Variants in NBAS observed in about 807,000 individuals in gnomAD.
The protein encoded by NBAS is NBAS subunit of NRZ tethering complex.
A neutral mutation model predicts 302.5 loss-of-function variants in NBAS; 219 were observed. That is an observed-to-expected ratio of 0.72 (90% CI 0.65 to 0.81). The LOEUF (loss-of-function observed/expected upper bound fraction) is 0.81, where lower values mean the gene tolerates loss of function less well. Among genes scored for constraint, NBAS ranks in the 30% least tolerant of loss-of-function variants. NBAS has a pLI of 0.00. For missense variants in NBAS, 2,932 were observed against 2,841.6 expected (o/e 1.03, Z -0.72); for synonymous variants, 1,118 against 1,021.6 (o/e 1.09, Z -1.80).
At chr2:15,241,180 T>C (rs564740010) in intron 44 of NBAS, among the ~76,000 whole-genome samples, 3 of 152,216 alleles carry the variant, frequency 2.0e-5, no homozygotes, top group Non-Finnish European at 4.4e-5. Flanking sequence ...TAAGAGTTTA[T>C]AGCAGAGTGA....
intron 38 of NBAS, among the ~76,000 whole-genome samples, chr2:15,323,699 G>A (rs908893539): frequency 1.3e-5 from 2 of 151,940 alleles, no homozygotes; most frequent in African/African-American, 2.4e-5. Flanking sequence ...GCTGGGCATG[G>A]TGGTGCGCAC....
At chr2:14,817,773 C>G in the NBAS span, among the ~76,000 whole-genome samples, 1 of 152,184 alleles carries the variant, frequency 6.6e-6, no homozygotes, top group Non-Finnish European at 1.5e-5. Flanking sequence ...AATCTGGACC[C>G]ATTGCTTCCT....
chr2:15,468,647 C>T (rs930413444), intron 16 of NBAS, 114 bp from the exon 17 acceptor site: 2 of 1,268,878 alleles, frequency 1.6e-6, no homozygotes, highest in African/African-American at 3.0e-5. Context: ...TATTTAGGAC[C>T]TTGGCCATAG....
At chr2:14,924,110 A>C in the NBAS span, among the ~76,000 whole-genome samples, 5 of 152,226 alleles carry the variant, frequency 3.3e-5, no homozygotes, top group African/African-American at 1.2e-4. Flanking sequence ...GATTCTACAC[A>C]TAAACATGGA....
the NBAS span, among the ~76,000 whole-genome samples, chr2:15,150,029 A>G: frequency 6.9e-5 from 10 of 145,374 alleles, no homozygotes; most frequent in African/African-American, 2.5e-4. Flanking sequence ...GAGCCATGGT[A>G]GTGCCACTGT....
intron 11 of NBAS, among the ~76,000 whole-genome samples, chr2:15,492,222 G>A (rs915261964): frequency 3.3e-5 from 5 of 152,110 alleles, no homozygotes; most frequent in Non-Finnish European, 5.9e-5. Flanking sequence ...TCACCACCAT[G>A]CCAGAGGATT....
chr2:15,358,407 T>G (rs1187117350), intron 32 of NBAS, among the ~76,000 whole-genome samples: 1 of 152,060 alleles, frequency 6.6e-6, no homozygotes, highest in Non-Finnish European at 1.5e-5. Context: ...TGTGTGTGTG[T>G]GCGCACACAT....
the NBAS span, among the ~76,000 whole-genome samples, chr2:14,960,350 A>C: frequency 6.6e-6 from 1 of 152,208 alleles, no homozygotes; most frequent in Non-Finnish European, 1.5e-5. Context: ...ATTCCCTAGC[A>C]CACAGCCCAG....
chr2:14,796,922 A>G, the NBAS span, among the ~76,000 whole-genome samples: 92 of 135,120 alleles, frequency 6.8e-4, no homozygotes, highest in African/African-American at 2.8e-3. Context: ...AAAAATACAA[A>G]AAAAAAAAAA....
chr2:15,135,834 A>C, the NBAS span, among the ~76,000 whole-genome samples: 1 of 151,358 alleles, frequency 6.6e-6, no homozygotes, highest in East Asian at 1.9e-4. Flanking sequence ...GGCCACACAT[A>C]AAATACACTA....
At chr2:15,000,105 T>C in the NBAS span, among the ~76,000 whole-genome samples, 2 of 152,206 alleles carry the variant, frequency 1.3e-5, no homozygotes, top group South Asian at 4.1e-4. Flanking sequence ...TTAAAAATGT[T>C]TTTAGTGAGT....
intron 3 of NBAS, among the ~76,000 whole-genome samples, chr2:15,555,144 G>A (rs1460072135): frequency 2.6e-5 from 4 of 151,928 alleles, no homozygotes; most frequent in African/African-American, 7.3e-5. Flanking sequence ...GCAGCTACAC[G>A]GGAGGCTAAG....
the NBAS span, among the ~76,000 whole-genome samples, chr2:15,079,281 G>A: frequency 3.3e-5 from 5 of 152,142 alleles, no homozygotes; most frequent in African/African-American, 9.7e-5. Flanking sequence ...CTAACTAGTC[G>A]TGTGGGCTTC....
the NBAS span, among the ~76,000 whole-genome samples, chr2:15,097,943 T>A: frequency 1.7e-5 from 2 of 114,388 alleles, no homozygotes; most frequent in African/African-American, 6.7e-5. Flanking sequence ...ACATATATAT[T>A]ATATTGTATA....
At chr2:14,855,512 C>G in the NBAS span, among the ~76,000 whole-genome samples, 1 of 151,938 alleles carries the variant, frequency 6.6e-6, no homozygotes, top group Non-Finnish European at 1.5e-5. Flanking sequence ...ATTTCTAGAC[C>G]TGCCCTGGGC....
At chr2:15,032,208 G>GT in the NBAS span, among the ~76,000 whole-genome samples, 1 of 152,212 alleles carries the variant, frequency 6.6e-6, no homozygotes, top group South Asian at 2.1e-4. Context: ...GGGTGCCGCT[G>GT]TAACAGTGCC....
intron 48 of NBAS, among the ~76,000 whole-genome samples, chr2:15,208,045 G>C (rs1323628118): frequency 2.0e-5 from 3 of 151,942 alleles, no homozygotes; most frequent in Non-Finnish European, 2.9e-5. Context: ...TAAAGCAAAT[G>C]TTATTAGAGC....
At chr2:15,018,464 T>C in the NBAS span, among the ~76,000 whole-genome samples, 9 of 152,134 alleles carry the variant, frequency 5.9e-5, no homozygotes, top group African/African-American at 2.2e-4. Flanking sequence ...TAATTAATAA[T>C]GTTAATTGCT....
At chr2:15,010,754 C>T in the NBAS span, among the ~76,000 whole-genome samples, 1 of 152,252 alleles carries the variant, frequency 6.6e-6, no homozygotes, top group African/African-American at 2.4e-5. Flanking sequence ...ATCCCTATTA[C>T]ATATATTAAC....
Sources: allele counts gnomAD v4.1 joint callset (sites outside exome capture counted in the v4.1 genomes callset), GRCh38; gene constraint gnomAD v4.1.1; transcripts MANE v1.5; gene names NCBI Gene and HGNC (gene_info 2026-07-23, HGNC 2026-07-21).